Variants in ARHGEF15 observed in about 807,000 individuals in gnomAD.
ARHGEF15 encodes Rho guanine nucleotide exchange factor (GEF) 15.
Under a neutral mutation model 79.7 loss-of-function variants are expected in ARHGEF15, and 58 were observed. The observed-to-expected ratio is 0.73, with a 90% confidence interval of 0.59 to 0.91. The LOEUF is 0.91. ARHGEF15 is among the 40% of genes least tolerant of loss of function. The pLI is 0.00. For synonymous variants in ARHGEF15, 442 were observed against 456.0 expected (o/e 0.97, Z 0.39); for missense variants, 1,012 against 1,108.1 (o/e 0.91, Z 1.23).
At position 8,318,774 on chromosome 17, in the gene ARHGEF15, C is replaced by G; in HGVS notation, c.1897C>G (p.Arg633Gly). 2 of 1,613,202 alleles carry G rather than the reference C, an allele frequency of 1.2e-6. No individual in the cohort carries two copies. The highest frequency in any genetic ancestry group is 1.7e-6 in the Non-Finnish European group (2 of 1,179,874). The change falls in exon 12 of 16, where the codon CGG (arginine) becomes GGG (glycine). Residue 633 changes from arginine to glycine, a missense_variant. Physicochemically the swap from Arg to Gly is moderately radical, Grantham distance 125 (BLOSUM62 -2). Coordinates refer to ENST00000361926, the MANE Select transcript of ARHGEF15 (RefSeq NM_173728.4). This position sits in a 1 kb window ranked among gnomAD's most constrained non-coding sequence, Gnocchi z 5.0. ...GGCCCTGCCCCTGGTCTCCTGGTCA[C>G]GGCGCCTGGAATTCCAGGGAGAGCT... ...VKALPLVSWS[R>G]RLEFQGELTE...
chr17:8,321,047 G>A lies in ARHGEF15; in HGVS notation c.*54G>A. Reference sequence around the variant, plus strand: ...GAGACACCTACCAGTGTGGCACGGAGAGAACAAAGCCCATTCATCCATTGG... The same window carrying A: ...GAGACACCTACCAGTGTGGCACGGAAAGAACAAAGCCCATTCATCCATTGG... On this transcript the variant is annotated 3_prime_UTR_variant, in exon 16 of 16. Transcript: ENST00000361926. 1 of 1,606,336 alleles carries A rather than the reference G, an allele frequency of 6.2e-7. No individual in the cohort carries two copies. Among genetic ancestry groups the A allele is most frequent in the Non-Finnish European group, 8.5e-7 (1 of 1,174,606 alleles).
Position 8,318,344 on chromosome 17 carries a change from C to T in ARHGEF15, c.1705-43C>T, listed in dbSNP as rs766493486. 1.3e-6 allele frequency: 2 copies of T among 1,585,424 alleles called. No individual in the cohort carries two copies. The highest frequency in any genetic ancestry group is 3.5e-5 in the Admixed American group (2 of 57,452). On this transcript the variant is annotated intron_variant, in intron 9 of 15. Coordinates refer to ENST00000361926, the MANE Select transcript of ARHGEF15 (RefSeq NM_173728.4). The surrounding 1 kb of genome is among the most constrained non-coding windows in gnomAD (Gnocchi z 5.0). Reference sequence around the variant, plus strand: ...GCTGTGGCCCCTCTGAATCCCAGGGCCACAGAGCAGGGGGCCCAGTCACCC... The same window carrying T: ...GCTGTGGCCCCTCTGAATCCCAGGGTCACAGAGCAGGGGGCCCAGTCACCC...
At chr17:8,320,443 G>A (rs1301905608) in intron 15 of ARHGEF15, among the ~76,000 whole-genome samples, 1 of 152,012 alleles carries the variant, frequency 6.6e-6, no homozygotes, top group Non-Finnish European at 1.5e-5. Context: ...CCAGCTGGAG[G>A]CAGCAGGCAG....
At chr17:8,313,674 C>T in intron 4 of ARHGEF15, 119 bp downstream of exon 4, 3 of 1,068,026 alleles carry the variant, frequency 2.8e-6, no homozygotes, top group Non-Finnish European at 4.1e-6. Flanking sequence ...GGACAAGGGC[C>T]AGGGCTCTAG....
rs769234665 is a variant in ARHGEF15, at chr17:8,318,967, G to C, written c.2034-40G>C. 17 of 1,609,362 alleles carry C rather than the reference G, an allele frequency of 1.1e-5. No individual in the cohort carries two copies. The highest frequency in any genetic ancestry group is 1.6e-4 in the Middle Eastern group (1 of 6,062). ...GGAGTGGGCAGGAGGGGTCCAGCGG[G>C]ACCCCTGCTGTCCTTCTGAACGACC... is the stretch of plus-strand genomic sequence containing the variant. On this transcript the variant is annotated intron_variant, in intron 12 of 15. Transcript: ENST00000361926. This position sits in a 1 kb window ranked among gnomAD's most constrained non-coding sequence, Gnocchi z 5.0.
chr17:8,315,344 G>A lies in ARHGEF15; in HGVS notation c.1260+67G>A. On this transcript the variant is annotated intron_variant, in intron 6 of 15. Coordinates refer to ENST00000361926, the MANE Select transcript of ARHGEF15 (RefSeq NM_173728.4). This position sits in a 1 kb window ranked among gnomAD's most constrained non-coding sequence, Gnocchi z 4.3. The stretch of plus-strand genomic sequence containing the variant: ...TGGGCTGCATGGGTCAGGCATAGGG[G>A]AGGAGGGCCCAGGGTCCTAGCTTCC... 1 of 1,611,636 alleles carries A rather than the reference G, an allele frequency of 6.2e-7. No individual in the cohort carries two copies. The highest frequency in any genetic ancestry group is 1.7e-5 in the Admixed American group (1 of 59,926).
rs1904812164 is a variant in ARHGEF15 at position 8,313,561 on chromosome 17, G to A, written c.989+6G>A. On this transcript the variant is annotated splice_donor_region_variant and intron_variant, in intron 4 of 15. Transcript: ENST00000361926. ...CCAGCAACTGTGGAGGGGAGGTACTGAACACCCCCACCCCTACTCCCTGGT... is the reference window on the plus strand; with the variant it reads ...CCAGCAACTGTGGAGGGGAGGTACTAAACACCCCCACCCCTACTCCCTGGT... The A allele has an allele frequency of 1.1e-5, 18 of 1,612,928 alleles. No homozygotes were observed. Among genetic ancestry groups the A allele is most frequent in the Non-Finnish European group, 1.5e-5 (18 of 1,179,616 alleles).
Position 8,316,069 on chromosome 17 carries a change from C to T in ARHGEF15, c.1625C>T (p.Pro542Leu), listed in dbSNP as rs1283998273. 6.2e-7 allele frequency: 1 copy of T among 1,604,032 alleles called. No homozygotes were observed. The highest frequency in any genetic ancestry group is 1.3e-5 in the African/African-American group (1 of 75,032). ...GAGCTGCGCCGGCTGCAGAGCCTCC[C>T]TAAGTGTGAGCGGCTCCCGCTGCCG... Reference protein sequence around the residue: ...SAELRRLQSLPKCERLPLPSF... With the variant: ...SAELRRLQSLLKCERLPLPSF... Residue 542 changes from proline to leucine, a missense_variant, in exon 9 of 16, where the codon CCT becomes CTT. Around this residue, in one of 3 missense-constraint regions of ARHGEF15, gnomAD observed 818 missense variants for 882.5 expected, o/e 0.93. Transcript: ENST00000361926.
rs199691980 is a variant in ARHGEF15 at position 8,315,281 on chromosome 17, G to A, written c.1260+4G>A. The A allele has an allele frequency of 1.6e-3, 2,633 of 1,612,698 alleles. 25 individuals are homozygous for A. The highest frequency in any genetic ancestry group is 0.015 in the South Asian group (1,368 of 91,038). ...CCAGGAGAGGCGCATGCAGGAGGTGGGAGCTGGAGGTGGGAGATGGGAGGG... is the reference window on the plus strand; with the variant it reads ...CCAGGAGAGGCGCATGCAGGAGGTGAGAGCTGGAGGTGGGAGATGGGAGGG... On this transcript the variant is annotated splice_donor_region_variant and intron_variant, in intron 6 of 15. Transcript: ENST00000361926. This position sits in a 1 kb window ranked among gnomAD's most constrained non-coding sequence, Gnocchi z 4.3.
At chr17:8,320,180 G>A (rs1905291897) in intron 15 of ARHGEF15, among the ~76,000 whole-genome samples, 1 of 152,096 alleles carries the variant, frequency 6.6e-6, no homozygotes, top group African/African-American at 2.4e-5. Flanking sequence ...TTCCTTCCTT[G>A]CTGGAGCTAC....
Position 8,318,528 on chromosome 17 carries a change from G to A in ARHGEF15, c.1780-42G>A. ...GGTAGAGAGAAATGGTAGGGAGCAG[G>A]GGGCTGGCCGCTGGGGTGGTGACAC... is the stretch of plus-strand genomic sequence containing the variant. On this transcript the variant is annotated intron_variant, in intron 10 of 15. Coordinates refer to ENST00000361926, the MANE Select transcript of ARHGEF15 (RefSeq NM_173728.4). This position sits in a 1 kb window ranked among gnomAD's most constrained non-coding sequence, Gnocchi z 5.0. 6.2e-7 allele frequency: 1 copy of A among 1,612,934 alleles called. No homozygotes were observed. Among genetic ancestry groups the A allele is most frequent in the South Asian group, 1.1e-5 (1 of 91,002 alleles).
chr17:8,321,637 G>A lies in ARHGEF15; in HGVS notation c.*644G>A, dbSNP rs1243266615. On this transcript the variant is annotated 3_prime_UTR_variant, in exon 16 of 16. Coordinates refer to ENST00000361926, the MANE Select transcript of ARHGEF15 (RefSeq NM_173728.4). ...TATGTATCAGGAAAGGCATTCTGCT[G>A]ACTGTGGTGTGTGTGTGGTGATTGT... The A allele has an allele frequency of 6.6e-6, 1 of 152,274 alleles. No individual in the cohort carries two copies. The highest frequency in any genetic ancestry group is 1.5e-5 in the Non-Finnish European group (1 of 68,088). The allele number at this position is 152,274 out of a possible 1,614,324, so 9.4% of individuals were successfully genotyped here. A position where few individuals can be genotyped will look rare whatever the true frequency, so the allele number is the denominator to read the frequency against.
chr17:8,312,853 G>A, intron 2 of ARHGEF15, 69 bp from the exon 3 acceptor site: 1 of 1,567,740 alleles, frequency 6.4e-7, no homozygotes, highest in Middle Eastern at 1.7e-4. Flanking sequence ...GGTTAAAGAT[G>A]GAGATGGTCT....
chr17:8,312,712 T>C, intron 2 of ARHGEF15, 72 bp downstream of exon 2: 1 of 1,606,736 alleles, frequency 6.2e-7, no homozygotes, highest in Non-Finnish European at 8.5e-7. Context: ...TGCTAACAAC[T>C]TTCAGGGGCT....
At chr17:8,316,205 C>A in intron 9 of ARHGEF15, 57 bp downstream of exon 9, 4 of 1,572,724 alleles carry the variant, frequency 2.5e-6, no homozygotes, top group South Asian at 2.3e-5. Flanking sequence ...AGAACTCTCC[C>A]GAGGGCTTCT....
rs201714597 is a variant in ARHGEF15 at position 8,318,821 on chromosome 17, G to A, written c.1944G>A (p.Arg648=). The change falls in exon 12 of 16, where the codon AGG becomes AGA. Residue 648 remains arginine, a synonymous_variant. Coordinates refer to ENST00000361926, the MANE Select transcript of ARHGEF15 (RefSeq NM_173728.4). This position sits in a 1 kb window ranked among gnomAD's most constrained non-coding sequence, Gnocchi z 5.0. ...AGCTGACTGAGTTAGGGTGCCGGAG[G>A]GGGGGCGTGCTCTTTGCCTCGCGCC... ...QGELTELGCR[R]GGVLFASRPR... is the part of the protein sequence containing the mutation. The A allele has an allele frequency of 2.4e-4, 389 of 1,613,640 alleles. No individual in the cohort carries two copies. The highest frequency in any genetic ancestry group is 1.9e-3 in the South Asian group (175 of 91,080).
chr17:8,314,216 C>G (rs529851149), intron 4 of ARHGEF15, among the ~76,000 whole-genome samples: 1 of 152,052 alleles, frequency 6.6e-6, no homozygotes, highest in African/African-American at 2.4e-5. Flanking sequence ...AATTATTGTC[C>G]GAAAATCTAT....
At chr17:8,319,183 A>G (rs1905217872) in intron 13 of ARHGEF15, 24 bp downstream of exon 13, 2 of 1,612,206 alleles carry the variant, frequency 1.2e-6, no homozygotes, top group Non-Finnish European at 1.7e-6. Context: ...CCCTCAGAAA[A>G]CAACCTTGGG....
At chr17:8,311,145 CCCTGAA>C (rs1904584694) in intron 1 of ARHGEF15, among the ~76,000 whole-genome samples, 1 of 152,022 alleles carries the variant, frequency 6.6e-6, no homozygotes, top group South Asian at 2.1e-4. Flanking sequence ...TCCTGCTGAC[CCCTGAA>C]GGGAGTTTGG....
Sources: gnomAD v4.1 joint callset for allele counts (sites outside exome capture counted in the v4.1 genomes callset) on GRCh38, gnomAD v4.1.1 for gene constraint, gnomAD v4.1.1 regional missense constraint, Gnocchi (gnomAD v3.1) non-coding constraint, MANE v1.5 for transcripts, NCBI Gene and HGNC (gene_info 2026-07-23, HGNC 2026-07-21) for gene names.